The following CPVL variants were observed in gnomAD, a reference collection of about 807,000 sequenced individuals.
CPVL encodes the protein probable serine carboxypeptidase CPVL.
A neutral mutation model predicts 63.7 loss-of-function variants in CPVL; 51 were observed. That is an observed-to-expected ratio of 0.80 (90% CI 0.64 to 1.01). The LOEUF is 1.01. CPVL is among the 50% of genes least tolerant of loss of function. The pLI, the probability that CPVL is intolerant of heterozygous loss-of-function variation, is 0.00. For synonymous variants in CPVL, 195 were observed against 206.0 expected, an observed-to-expected ratio of 0.95 and a Z score of 0.46; for missense variants, 530 against 573.1, an observed-to-expected ratio of 0.92 and a Z score of 0.77.
chr7:29,086,586 C>T (rs776871710), intron 6 of CPVL, 36 bp from the exon 7 acceptor site: 5 of 1,439,418 alleles, frequency 3.5e-6, no homozygotes, highest in South Asian at 3.5e-5. Flanking sequence ...ACAAATTAAT[C>T]AGAAAAATGA....
chr7:29,157,043 T>C (rs1490270709), intron 5 of CPVL, among the ~76,000 whole-genome samples: 1 of 152,158 alleles, frequency 6.6e-6, no homozygotes, highest in African/African-American at 2.4e-5. Context: ...ATCTCGTCTG[T>C]GGAAAGGAAG....
At chr7:29,027,895 C>A (rs796971748) in intron 12 of CPVL, among the ~76,000 whole-genome samples, 1 of 152,206 alleles carries the variant, frequency 6.6e-6, no homozygotes, top group East Asian at 1.9e-4. Context: ...TTAAAATGAT[C>A]ATACTGAATA....
At chr7:29,145,437 G>A (rs968423354) in intron 1 of CPVL, among the ~76,000 whole-genome samples, 1 of 152,008 alleles carries the variant, frequency 6.6e-6, no homozygotes, top group Non-Finnish European at 1.5e-5. Context: ...GAATTGTCCA[G>A]CTCCAAAACC....
intron 12 of CPVL, among the ~76,000 whole-genome samples, chr7:28,999,798 C>G (rs985180042): frequency 6.6e-6 from 1 of 152,076 alleles, no homozygotes; most frequent in Non-Finnish European, 1.5e-5. Flanking sequence ...ACAAAATTCC[C>G]AAACAAAGCA....
chr7:29,086,027 C>T (rs1247554867), intron 7 of CPVL, among the ~76,000 whole-genome samples: 1 of 152,156 alleles, frequency 6.6e-6, no homozygotes, highest in Non-Finnish European at 1.5e-5. Context: ...GGCATGGTGG[C>T]TCATGCCTGT....
chr7:29,096,272 AAC>A, intron 3 of CPVL, 55 bp from the exon 4 acceptor site: 1 of 1,401,638 alleles, frequency 7.1e-7, no homozygotes, highest in Non-Finnish European at 1.0e-6. Context: ...AAGGCTACAG[AAC>A]ACACACAAGC....
intron 5 of CPVL, among the ~76,000 whole-genome samples, chr7:29,158,255 A>C (rs904371061): frequency 6.6e-6 from 1 of 152,196 alleles, no homozygotes; most frequent in East Asian, 1.9e-4. Context: ...TGCCATTTGA[A>C]GGAAAAGCAG....
chr7:29,017,276 A>G (rs550648009), intron 12 of CPVL, among the ~76,000 whole-genome samples: 1 of 152,328 alleles, frequency 6.6e-6, no homozygotes, highest in African/African-American at 2.4e-5. Flanking sequence ...TTCCCCGATA[A>G]AGCCATAACT....
chr7:29,041,105 C>T (rs1384348395), intron 11 of CPVL, among the ~76,000 whole-genome samples: 1 of 149,588 alleles, frequency 6.7e-6, no homozygotes, highest in African/African-American at 2.5e-5. Context: ...AGAATCTCCT[C>T]TGACCATGAT....
At chr7:29,088,930 A>G (rs1785490020) in intron 6 of CPVL, among the ~76,000 whole-genome samples, 1 of 152,194 alleles carries the variant, frequency 6.6e-6, no homozygotes, top group South Asian at 2.1e-4. Context: ...AGCCGAGATC[A>G]CGCCACTGCA....
intron 12 of CPVL, among the ~76,000 whole-genome samples, chr7:29,028,064 C>G (rs1038493602): frequency 3.9e-5 from 6 of 152,252 alleles, no homozygotes; most frequent in African/African-American, 1.4e-4. Context: ...GCAATAACAA[C>G]CAAAACAGCA....
chr7:29,037,552 C>CAAAAA (rs35631871), intron 11 of CPVL, among the ~76,000 whole-genome samples: 220 of 54,524 alleles, frequency 4.0e-3, no homozygotes, highest in East Asian at 7.4e-3. Flanking sequence ...GACTCCATCT[C>CAAAAA]AAAAAAAAAA....
chr7:29,076,565 A>G (rs1784269681), intron 7 of CPVL, among the ~76,000 whole-genome samples: 2 of 152,196 alleles, frequency 1.3e-5, no homozygotes, highest in South Asian at 4.1e-4. Context: ...CTAGGTTAGC[A>G]CTCAACACAT....
rs191318628 is a variant in CPVL at position 29,018,284 on chromosome 7, C to T, written c.1320+12293G>A. Among the ~76,000 whole-genome samples the T allele has an allele frequency of 2.4e-3, 361 of 151,102 alleles. 1 individual carries two copies. The highest frequency in any genetic ancestry group is 4.0e-3 in the Non-Finnish European group (274 of 67,858). On this transcript the variant is annotated intron_variant, in intron 12 of 12. Transcript: ENST00000265394. ...TGAAAAAAACAGAAGTGTTTTCTTTCTCCAGGACATTCAGCTTAATGACAT... is the reference window on the plus strand; with the variant it reads ...TGAAAAAAACAGAAGTGTTTTCTTTTTCCAGGACATTCAGCTTAATGACAT...
At chr7:29,118,796 G>A (rs1021055588) in intron 2 of CPVL, among the ~76,000 whole-genome samples, 5 of 151,926 alleles carry the variant, frequency 3.3e-5, no homozygotes, top group Admixed American at 6.6e-5. Context: ...TAAAATTTCC[G>A]GTGTTCTTCT....
In CPVL at chr7:29,096,340, T is replaced by C. The variant is rs935075044; in HGVS notation, c.289-123A>G. On this transcript the variant is annotated intron_variant, in intron 3 of 12. Transcript: ENST00000265394. ...GGCTGTGACTAAATCCTACAAAACC[T>C]CCCCAGACCTCAGTAACCACTCTCC... The C allele has an allele frequency of 4.2e-6, 3 of 715,624 alleles. No individual in the cohort carries two copies. The African/African-American group carries it at 5.3e-5, about 13-fold the overall frequency. 44.3% of individuals were successfully genotyped at this position (715,624 alleles called of 1,614,324 possible). A position where few individuals can be genotyped will look rare whatever the true frequency, so the allele number is the denominator to read the frequency against.
intron 1 of CPVL, among the ~76,000 whole-genome samples, chr7:29,138,523 G>C (rs906092958): frequency 1.3e-5 from 2 of 152,238 alleles, no homozygotes; most frequent in South Asian, 2.1e-4. Flanking sequence ...ATAGAACAAA[G>C]AATCTAGGAT....
At chr7:29,162,426 C>A (rs1459552435) in intron 5 of CPVL, among the ~76,000 whole-genome samples, 1 of 152,076 alleles carries the variant, frequency 6.6e-6, no homozygotes, top group Non-Finnish European at 1.5e-5. Flanking sequence ...CTTTGGGAGG[C>A]CAAAGCGGGC....
intron 6 of CPVL, among the ~76,000 whole-genome samples, chr7:29,091,063 TC>T (rs1303364399): frequency 1.3e-5 from 2 of 152,180 alleles, no homozygotes; most frequent in Admixed American, 1.3e-4. Context: ...ACAGCTGAAA[TC>T]AGTTTTCTGC....
Sources: gnomAD v4.1 joint callset for allele counts (sites outside exome capture counted in the v4.1 genomes callset) on GRCh38, gnomAD v4.1.1 for gene constraint, MANE v1.5 for transcripts, NCBI Gene and HGNC (gene_info 2026-07-23, HGNC 2026-07-21) for gene names.